Variants in SYP observed in about 807,000 individuals in gnomAD.
The protein encoded by SYP is major synaptic vesicle protein P38.
A neutral mutation model predicts 24.3 loss-of-function variants in SYP; 2 were observed. That is an observed-to-expected ratio of 0.08 (90% CI 0.03 to 0.26). SYP has a LOEUF of 0.26. Among genes scored for constraint, SYP ranks in the 10% least tolerant of loss-of-function variants. The pLI, the probability that SYP is intolerant of heterozygous loss-of-function variation, is 1.00. For synonymous variants in SYP, 143 were observed against 123.2 expected (o/e 1.16, Z -1.07); for missense variants, 216 against 266.3 (o/e 0.81, Z 1.32).
At chrX:49,190,721 G>T (rs2065504217) in intron 6 of SYP, 2 of 111,877 alleles carry the variant, frequency 1.8e-5, no homozygotes, top group South Asian at 6.9e-4. Context: ...ATTTCATCAT[G>T]TTGCCCAGGC....
chrX:49,192,423 C>A (rs2065513582), intron 5 of SYP, among the ~76,000 whole-genome samples: 1 of 112,489 alleles, frequency 8.9e-6, no homozygotes, highest in East Asian at 2.8e-4. Context: ...GAACTCCCGA[C>A]CTCAGGTGAT....
chrX:49,199,322 C>G, intron 1 of SYP: 3 of 167,093 alleles, frequency 1.8e-5, no homozygotes, highest in Admixed American at 9.6e-5. Context: ...AAAGGCGAGT[C>G]GGATGGGGAA....
chrX:49,194,443 C>T (rs1204135539), intron 3 of SYP, 82 bp from the exon 4 acceptor site: 81 of 950,913 alleles, frequency 8.5e-5, no homozygotes, highest in Non-Finnish European at 1.2e-4. Context: ...CCCCCCATTT[C>T]TGACAAGGCC....
rs1473263918 is a variant in SYP at position 49,193,413 on chromosome X, C to T, written c.474G>A (p.Ser158=). The part of the protein sequence containing the change: ...VFAFMWLVSS[S]AWAKGLSDVK... ...CATCTGACAGCCCCTTGGCCCATGCCGATGAGCTAACTAGCCACATGAAGG... is the reference window on the plus strand; with the variant it reads ...CATCTGACAGCCCCTTGGCCCATGCTGATGAGCTAACTAGCCACATGAAGG... Residue 158 remains serine, a synonymous_variant, in exon 5 of 7, where the codon TCG becomes TCA. Transcript: ENST00000263233. 3 of 1,211,309 alleles carry T rather than the reference C, an allele frequency of 2.5e-6. No homozygotes were observed. The highest frequency in any genetic ancestry group is 3.5e-5 in the African/African-American group (2 of 57,676).
intron 4 of SYP, 87 bp downstream of exon 4, chrX:49,194,079 G>T: frequency 9.2e-7 from 1 of 1,082,307 alleles, no homozygotes; most frequent in Non-Finnish European, 1.3e-6. Flanking sequence ...GGCCTGTCTG[G>T]GATTTGGTGT....
intron 2 of SYP, 76 bp downstream of exon 2, chrX:49,198,892 T>A (rs1360810234): frequency 4.6e-6 from 5 of 1,091,477 alleles, no homozygotes; most frequent in African/African-American, 1.9e-5. Flanking sequence ...TCGCCCCTAC[T>A]CCACCCCTGC....
rs1336273270 is a variant in SYP at position 49,188,735 on chromosome X, C to T, written c.*552G>A. 2.7e-5 allele frequency: 3 copies of T among 111,085 alleles called. No individual in the cohort carries two copies. Among genetic ancestry groups the T allele is most frequent in the Non-Finnish European group, 5.7e-5 (3 of 52,980 alleles). 9.2% of individuals were successfully genotyped at this position (111,085 alleles called of 1,213,427 possible). ...TGGAACCCAACCCCCCTGCTGACCC[C>T]TCCACTCCACACCTCCTCTCCAAGA... On this transcript the variant is annotated 3_prime_UTR_variant, in exon 7 of 7. Transcript: ENST00000263233.
In SYP at chrX:49,191,825, G is replaced by A. The variant is rs1183243946; in HGVS notation, c.616-62C>T. The A allele has an allele frequency of 8.1e-6, 9 of 1,106,935 alleles. No individual in the cohort carries two copies. The Admixed American group carries it at 2.2e-4, about 27-fold the overall frequency. 91.2% of individuals were successfully genotyped at this position (1,106,935 alleles called of 1,213,427 possible). ...CATTGCCTTGGCGGCCCTGCGTGCA[G>A]GAATGAGCATGCGGGGAATGAATCC... On this transcript the variant is annotated intron_variant, in intron 5 of 6. Transcript: ENST00000263233.
Position 49,197,632 on chromosome X carries a change from C to A in SYP, c.227+83G>T, listed in dbSNP as rs188203437. The A allele has an allele frequency of 1.2e-4, 141 of 1,148,768 alleles. 1 individual carries two copies. In the East Asian group the frequency reaches 2.6e-3, roughly 22 times the overall value. 94.7% of individuals were successfully genotyped at this position (1,148,768 alleles called of 1,213,427 possible). A position where few individuals can be genotyped will look rare whatever the true frequency, so the allele number is the denominator to read the frequency against. ...CCTCGAGGTGGGAGCTGGGCAGGAG[C>A]TACTTGCGGGGGGAGGTATTGGCCG... is the stretch of plus-strand genomic sequence containing the variant. On this transcript the variant is annotated intron_variant, in intron 3 of 6. Coordinates refer to ENST00000263233, the MANE Select transcript of SYP (RefSeq NM_003179.3).
At chrX:49,198,822 ACCT>A (rs2065538839) in intron 2 of SYP, 143 bp downstream of exon 2, 2 of 660,051 alleles carry the variant, frequency 3.0e-6, no homozygotes, top group African/African-American at 4.5e-5. Context: ...GACCCCTGAA[ACCT>A]CACCCTGGAG....
At chrX:49,191,270 T>C (rs1181273375) in intron 6 of SYP, 163 bp downstream of exon 6, 2 of 558,324 alleles carry the variant, frequency 3.6e-6, no homozygotes, top group Non-Finnish European at 6.0e-6. Flanking sequence ...TTTTCAGCTC[T>C]TAGCAGGTAG....
At chrX:49,197,901 C>G in intron 2 of SYP, 62 bp from the exon 3 acceptor site, 1 of 1,195,927 alleles carries the variant, frequency 8.4e-7, no homozygotes, top group Non-Finnish European at 1.1e-6. Flanking sequence ...GGGAGGTGCC[C>G]TCCTCTGGAC....
At chrX:49,192,029 C>T (rs1445040298) in intron 5 of SYP, among the ~76,000 whole-genome samples, 6 of 112,484 alleles carry the variant, frequency 5.3e-5, no homozygotes, top group African/African-American at 1.9e-4. Flanking sequence ...TGCACATATA[C>T]ACATTATATA....
At chrX:49,198,288 G>A (rs1360187350) in intron 2 of SYP, 4 of 145,154 alleles carry the variant, frequency 2.8e-5, no homozygotes, top group Non-Finnish European at 4.0e-5. Flanking sequence ...CTGTATGTCT[G>A]TGTCTTTCTG....
chrX:49,191,193 C>T, intron 6 of SYP: 1 of 427,955 alleles, frequency 2.3e-6, no homozygotes, highest in Admixed American at 3.9e-5. Flanking sequence ...TTCTACCTCC[C>T]TCCCATTGGC....
intron 1 of SYP, among the ~76,000 whole-genome samples, chrX:49,199,403 T>G (rs1484401216): frequency 1.0e-5 from 1 of 95,651 alleles, no homozygotes; most frequent in Non-Finnish European, 2.1e-5. Context: ...TGAAGGTGAG[T>G]CATAACGGGG....
Position 49,188,840 on chromosome X carries a change from C to T in SYP, c.*447G>A, listed in dbSNP as rs1377320287. 1 of 111,544 alleles carries T rather than the reference C, an allele frequency of 9.0e-6. No individual in the cohort carries two copies. The highest frequency in any genetic ancestry group is 1.9e-5 in the Non-Finnish European group (1 of 53,049). The allele number at this position is 111,544 out of a possible 1,213,427, so 9.2% of individuals were successfully genotyped here. On this transcript the variant is annotated 3_prime_UTR_variant, in exon 7 of 7. Coordinates refer to ENST00000263233, the MANE Select transcript of SYP (RefSeq NM_003179.3). Reference sequence around the variant, plus strand: ...TTCTTTAACCCTGGAGTTGGATTTCCCTAACGGCCTTTGTTCAGGCAGGCA... The same window carrying T: ...TTCTTTAACCCTGGAGTTGGATTTCTCTAACGGCCTTTGTTCAGGCAGGCA...
chrX:49,199,292 G>T (rs782009091), intron 1 of SYP: 2 of 391,576 alleles, frequency 5.1e-6, no homozygotes, highest in Admixed American at 4.2e-5. Context: ...AGTTAAGGAG[G>T]GGGAGCAGGT....
chrX:49,190,070 T>C (rs1248678573), intron 6 of SYP, among the ~76,000 whole-genome samples: 2 of 111,544 alleles, frequency 1.8e-5, no homozygotes, highest in Non-Finnish European at 3.8e-5. Flanking sequence ...CATCCAAGTA[T>C]TGCCACCTTC....
Sources: allele counts gnomAD v4.1 joint callset (sites outside exome capture counted in the v4.1 genomes callset), GRCh38; gene constraint gnomAD v4.1.1; transcripts MANE v1.5; gene names NCBI Gene and HGNC (gene_info 2026-07-23, HGNC 2026-07-21).